CCDC138: variants seen among roughly 807,000 people sequenced by gnomAD.
The protein encoded by CCDC138 is coiled-coil domain-containing protein 138.
CCDC138 carries 66 observed loss-of-function variants against 82.3 expected under a neutral mutation model. That is an observed-to-expected ratio of 0.80 (90% CI 0.66 to 0.98). The LOEUF (loss-of-function observed/expected upper bound fraction) is 0.98, where lower values mean the gene tolerates loss of function less well. Ranked by LOEUF, CCDC138 falls within the 50% of genes least tolerant of loss-of-function variation. The probability of loss-of-function intolerance (pLI) is 0.00; values close to 1 mark genes in which losing one functional copy is unlikely to be tolerated. For synonymous variants in CCDC138, 297 were observed against 265.4 expected, an observed-to-expected ratio of 1.12 and a Z score of -1.16; for missense variants, 816 against 758.9, an observed-to-expected ratio of 1.08 and a Z score of -0.88.
intron 12 of CCDC138, among the ~76,000 whole-genome samples, chr2:108,850,396 A>G (rs969440462): frequency 6.6e-6 from 1 of 152,178 alleles, no homozygotes; most frequent in Admixed American, 6.5e-5. Flanking sequence ...GTTATATTGA[A>G]TAGACTGTTC....
Position 108,786,915 on chromosome 2 carries a change from G to C in CCDC138, c.93G>C (p.Glu31Asp), listed in dbSNP as rs769347069. The C allele has an allele frequency of 1.3e-6, 2 of 1,525,286 alleles. No homozygotes were observed. Among genetic ancestry groups the C allele is most frequent in the Non-Finnish European group, 1.8e-6 (2 of 1,137,932 alleles). The allele number at this position is 1,525,286 out of a possible 1,614,324, so 94.5% of individuals were successfully genotyped here. ...RYGLGGSCPDEYDFSNFYQSK... is the reference protein window; with the variant it reads ...RYGLGGSCPDDYDFSNFYQSK... ...GACTCGGGGGCAGCTGCCCCGACGA[G>C]GTGAAGCCGCCGCCTGAGGTCCGCG... Residue 31 changes from glutamate (E) to aspartate (D), a missense_variant and splice_region_variant, in exon 1 of 15, where the codon GAG becomes GAC. Physicochemically the swap from Glu to Asp is conservative, Grantham distance 45. Coordinates refer to ENST00000295124, the MANE Select transcript of CCDC138 (RefSeq NM_144978.3).
intron 11 of CCDC138, among the ~76,000 whole-genome samples, chr2:108,841,435 G>C (rs1015574499): frequency 1.3e-5 from 2 of 151,686 alleles, no homozygotes; most frequent in Non-Finnish European, 2.9e-5. Flanking sequence ...TTTTGTAACT[G>C]TGTTCTTGTA....
chr2:108,809,804 GTTT>G (rs1683491786), intron 7 of CCDC138, among the ~76,000 whole-genome samples: 1 of 151,422 alleles, frequency 6.6e-6, no homozygotes, highest in East Asian at 1.9e-4. Flanking sequence ...ATTTTTGTTT[GTTT>G]GTTTGTTTGT....
chr2:108,793,816 A>G (rs1314796519), intron 4 of CCDC138, among the ~76,000 whole-genome samples: 2 of 151,494 alleles, frequency 1.3e-5, no homozygotes, highest in Non-Finnish European at 2.9e-5. Flanking sequence ...GTTAGCCAGG[A>G]TGGTCTCAAT....
chr2:108,880,551 GTTAGAGT>G (rs1220762949), downstream of CCDC138, among the ~76,000 whole-genome samples: 1 of 152,132 alleles, frequency 6.6e-6, no homozygotes, highest in African/African-American at 2.4e-5. Flanking sequence ...TGACTCTCTT[GTTAGAGT>G]TTAATGGAGC....
At chr2:108,832,482 G>T (rs1163379814) in intron 10 of CCDC138, among the ~76,000 whole-genome samples, 1 of 151,416 alleles carries the variant, frequency 6.6e-6, no homozygotes, top group Admixed American at 6.6e-5. Context: ...CAAGTAGCTG[G>T]GATTACAGGC....
intron 7 of CCDC138, among the ~76,000 whole-genome samples, chr2:108,808,905 G>A (rs1012169612): frequency 5.9e-5 from 9 of 151,980 alleles, no homozygotes; most frequent in African/African-American, 1.5e-4. Flanking sequence ...GGCGATTGTC[G>A]TGAACTATTT....
At chr2:108,819,689 G>A (rs1272360034) in intron 10 of CCDC138, among the ~76,000 whole-genome samples, 1 of 152,162 alleles carries the variant, frequency 6.6e-6, no homozygotes, top group African/African-American at 2.4e-5. Context: ...ATTCATGAAT[G>A]TGTTTCCCTG....
chr2:108,824,355 AT>A (rs1347984493), intron 10 of CCDC138, among the ~76,000 whole-genome samples: 2 of 152,132 alleles, frequency 1.3e-5, no homozygotes, highest in Non-Finnish European at 2.9e-5. Flanking sequence ...TATTTAAAAA[AT>A]TTTTATTTTA....
chr2:108,853,093 G>A (rs539086747), intron 12 of CCDC138, among the ~76,000 whole-genome samples: 1 of 152,274 alleles, frequency 6.6e-6, no homozygotes, highest in East Asian at 1.9e-4. Context: ...ATGTTCCAAG[G>A]TGTTAATATG....
At chr2:108,824,716 A>G (rs1686272232) in intron 10 of CCDC138, among the ~76,000 whole-genome samples, 1 of 152,246 alleles carries the variant, frequency 6.6e-6, no homozygotes, top group Admixed American at 6.5e-5. Flanking sequence ...TATGTACTGT[A>G]CATAACAAAT....
At chr2:108,861,331 G>T (rs1343144265) in intron 13 of CCDC138, among the ~76,000 whole-genome samples, 1 of 151,474 alleles carries the variant, frequency 6.6e-6, no homozygotes, top group Non-Finnish European at 1.5e-5. Context: ...ACTTCATTTA[G>T]TTCTGCTGTT....
intron 13 of CCDC138, among the ~76,000 whole-genome samples, chr2:108,872,359 C>T (rs1437206049): frequency 5.9e-5 from 9 of 152,130 alleles, no homozygotes; most frequent in African/African-American, 2.2e-4. Flanking sequence ...ACACATACCT[C>T]GGTAAATTAT....
chr2:108,873,299 T>C (rs937974500), intron 13 of CCDC138, 152 bp from the exon 14 acceptor site: 2 of 38,732 alleles, frequency 5.2e-5, no homozygotes, highest in African/African-American at 9.7e-5. Flanking sequence ...ATTTTTCAAA[T>C]GATGATATTT....
intron 14 of CCDC138, among the ~76,000 whole-genome samples, chr2:108,874,277 T>C (rs933044969): frequency 6.6e-6 from 1 of 152,186 alleles, no homozygotes; most frequent in Non-Finnish European, 1.5e-5. Flanking sequence ...GGATTTATTT[T>C]AGTAAACTCT....
chr2:108,840,787 T>TCTTTTTTTC (rs1215021283), intron 11 of CCDC138, among the ~76,000 whole-genome samples: 6 of 138,158 alleles, frequency 4.3e-5, no homozygotes, highest in African/African-American at 2.0e-4. Flanking sequence ...TTGTTTCATT[T>TCTTTTTTTC]CTTTTTTTCT....
At chr2:108,820,643 A>G (rs890370536) in intron 10 of CCDC138, among the ~76,000 whole-genome samples, 25 of 149,992 alleles carry the variant, frequency 1.7e-4, no homozygotes, top group African/African-American at 6.1e-4. Context: ...ATTTCAGCAG[A>G]TTTCTCAGCA....
upstream of CCDC138, chr2:108,786,759 C>T (rs1678820711): frequency 4.8e-6 from 7 of 1,454,128 alleles, no homozygotes; most frequent in Non-Finnish European, 3.8e-6. Flanking sequence ...CGCACTGCGG[C>T]CGCGTAGCGC....
intron 10 of CCDC138, 103 bp from the exon 11 acceptor site, chr2:108,839,082 T>G (rs1689038169): frequency 1.1e-5 from 13 of 1,234,878 alleles, no homozygotes; most frequent in Admixed American, 9.1e-5. Context: ...ACTCTTTTGT[T>G]TTGTTTTGTT....
Sources: allele counts gnomAD v4.1 joint callset (sites outside exome capture counted in the v4.1 genomes callset), GRCh38; gene constraint gnomAD v4.1.1; transcripts MANE v1.5; gene names NCBI Gene and HGNC (gene_info 2026-07-23, HGNC 2026-07-21).